Variants in PAPSS2 observed in about 807,000 individuals in gnomAD.
PAPSS2 encodes the protein 3'-phosphoadenosine 5'-phosphosulfate synthase 2, also known as bifunctional 3'-phosphoadenosine 5'-phosphosulfate synthase 2.
PAPSS2 carries 61 observed loss-of-function variants against 66.5 expected under a neutral mutation model. The ratio of observed to expected loss-of-function variants is 0.92; its 90% CI spans 0.75 to 1.14. The LOEUF (loss-of-function observed/expected upper bound fraction) is 1.14. Ranked by LOEUF, PAPSS2 falls within the 50% of genes most tolerant of loss-of-function variation. The pLI is 0.00. For missense variants in PAPSS2, 708 were observed against 789.6 expected (o/e 0.90, Z 1.24); for synonymous variants, 289 against 287.5 (o/e 1.01, Z -0.05).
chr10:87,681,264 G>A (rs1853017618), intron 1 of PAPSS2, among the ~76,000 whole-genome samples: 1 of 152,190 alleles, frequency 6.6e-6, no homozygotes, highest in Non-Finnish European at 1.5e-5. Context: ...CTCAACTTGA[G>A]CATTCATGAG....
In PAPSS2 at chr10:87,740,541, G is replaced by C. The variant is rs566487189; in HGVS notation, c.1087-694G>C. Among the ~76,000 whole-genome samples the C allele has an allele frequency of 3.3e-5, 5 of 152,282 alleles. No homozygotes were observed. The East Asian group carries it at 9.6e-4, about 29-fold the overall frequency. On this transcript the variant is annotated intron_variant, in intron 9 of 12. Transcript: ENST00000456849. ...TAAATGATTCATCCAAAGCACAATG[G>C]ATTTTTAATGTAACAGAGTATGAGA...
At chr10:87,741,965 C>T (rs1483058112) in intron 10 of PAPSS2, among the ~76,000 whole-genome samples, 1 of 151,598 alleles carries the variant, frequency 6.6e-6, no homozygotes, top group African/African-American at 2.4e-5. Context: ...ACTATGTTTT[C>T]CAGGCTGGTC....
intron 1 of PAPSS2, among the ~76,000 whole-genome samples, chr10:87,697,508 C>T (rs1438389734): frequency 1.3e-5 from 2 of 152,144 alleles, no homozygotes; most frequent in Non-Finnish European, 2.9e-5. Flanking sequence ...GAGGAGCTGT[C>T]GTCAGGGTGT....
chr10:87,709,218 A>G lies in PAPSS2; in HGVS notation c.50A>G (p.Asn17Ser), dbSNP rs139190720. 4.3e-6 allele frequency: 7 copies of G among 1,612,798 alleles called. No homozygotes were observed. The highest frequency in any genetic ancestry group is 2.7e-5 in the African/African-American group (2 of 74,896). The change falls in exon 2 of 13, where the codon AAT becomes AGT. Residue 17 changes from asparagine to serine, a missense_variant. Physicochemically the swap from Asn to Ser is conservative, Grantham distance 46. Coordinates refer to ENST00000456849, the MANE Select transcript of PAPSS2 (RefSeq NM_001015880.2). Reference protein sequence around the residue: ...QKTENQQKSTNVVYQAHHVSR... With the variant: ...QKTENQQKSTSVVYQAHHVSR... ...TAGGAGAACCAGCAGAAATCCACCA[A>G]TGTAGTCTATCAGGCCCACCATGTG...
intron 9 of PAPSS2, among the ~76,000 whole-genome samples, chr10:87,734,664 T>TAC (rs1491387191): frequency 0.2 from 4,717 of 23,400 alleles, 138 homozygotes; most frequent in Non-Finnish European, 0.29. Flanking sequence ...AATGTGTGTG[T>TAC]ATATATATAT....
intron 7 of PAPSS2, among the ~76,000 whole-genome samples, chr10:87,718,716 C>A (rs1238854383): frequency 6.6e-6 from 1 of 152,182 alleles, no homozygotes; most frequent in African/African-American, 2.4e-5. Context: ...AGGGCTTTTG[C>A]AGTTTATGGA....
At position 87,713,298 on chromosome 10, in the gene PAPSS2, TC is replaced by T; in HGVS notation, c.371del (p.Pro124HisfsTer25). The T allele has an allele frequency of 9.7e-7, 1 of 1,029,692 alleles. No individual in the cohort carries two copies. The highest frequency in any genetic ancestry group is 1.4e-6 in the Non-Finnish European group (1 of 733,090). 63.8% of individuals were successfully genotyped at this position (1,029,692 alleles called of 1,614,324 possible). A position where few individuals can be genotyped will look rare whatever the true frequency, so the allele number is the denominator to read the frequency against. On this transcript the variant is annotated frameshift_variant, in exon 3 of 13. Transcript: ENST00000456849. LOFTEE classifies it high-confidence loss of function. ...GLVCITSFIS[P>X]FAKDRENARK... is the part of the protein sequence containing the mutation. ...TGGTCTGCATTACCAGCTTTATTTC[TC>T]CATTCGCAAAGGTAAAAAAAAAAAA...
At chr10:87,674,052 T>C (rs911184776) in intron 1 of PAPSS2, among the ~76,000 whole-genome samples, 3 of 152,170 alleles carry the variant, frequency 2.0e-5, no homozygotes, top group Non-Finnish European at 4.4e-5. Flanking sequence ...TCTAATGTTC[T>C]ACCCTTCCTG....
At position 87,676,872 on chromosome 10, in the gene PAPSS2, C is replaced by CAAAAAA. The variant is rs71019493; in HGVS notation, c.27+16898_27+16903dup. 5.7e-4 allele frequency among the ~76,000 whole-genome samples: 18 copies of CAAAAAA among 31,368 alleles called. 3 individuals carry two copies. The highest frequency in any genetic ancestry group is 6.5e-4 in the African/African-American group (6 of 9,188). 20.6% of individuals were successfully genotyped at this position (31,368 alleles called of 152,430 possible). On this transcript the variant is annotated intron_variant, in intron 1 of 12. Transcript: ENST00000456849. Reference sequence around the variant, plus strand: ...TGGATGACAGAATGAGACCCTGTCTCAAAAAAAAAAAAAAAAAAAAAAAAA... The same window carrying CAAAAAA: ...TGGATGACAGAATGAGACCCTGTCTCAAAAAAAAAAAAAAAAAAAAAAAAAAAAAAA...
At chr10:87,711,916 G>A (rs187086962) in intron 2 of PAPSS2, among the ~76,000 whole-genome samples, 15 of 152,148 alleles carry the variant, frequency 9.9e-5, no homozygotes, top group Non-Finnish European at 1.8e-4. Flanking sequence ...TAGGTTCAGA[G>A]ATCTTTAAGA....
intron 1 of PAPSS2, among the ~76,000 whole-genome samples, chr10:87,674,393 T>C (rs972729094): frequency 6.6e-6 from 1 of 152,166 alleles, no homozygotes; most frequent in African/African-American, 2.4e-5. Context: ...CTTGAACTCC[T>C]GGCCTCAGGT....
chr10:87,667,700 T>A (rs1278921230), intron 1 of PAPSS2, among the ~76,000 whole-genome samples: 5 of 152,238 alleles, frequency 3.3e-5, no homozygotes, highest in Non-Finnish European at 5.9e-5. Context: ...AGCACGACTG[T>A]AATATAAACA....
At chr10:87,684,810 A>C (rs542350681) in intron 1 of PAPSS2, among the ~76,000 whole-genome samples, 72 of 152,330 alleles carry the variant, frequency 4.7e-4, no homozygotes, top group Non-Finnish European at 5.9e-5. Context: ...TGATTACCTC[A>C]AGTCACACAG....
intron 9 of PAPSS2, among the ~76,000 whole-genome samples, chr10:87,739,555 CAGACTGTATT>C (rs1352815521): frequency 5.9e-5 from 9 of 152,318 alleles, no homozygotes; most frequent in African/African-American, 2.2e-4. Context: ...TAAGATACAT[CAGACTGTATT>C]AGGAATGTAC....
chr10:87,687,763 C>T (rs530083075), intron 1 of PAPSS2, among the ~76,000 whole-genome samples: 6 of 151,978 alleles, frequency 3.9e-5, no homozygotes, highest in East Asian at 1.9e-4. Context: ...ATACATGTAT[C>T]GAAATATCAC....
chr10:87,738,154 G>T (rs1486385819), intron 9 of PAPSS2, among the ~76,000 whole-genome samples: 1 of 152,014 alleles, frequency 6.6e-6, no homozygotes, highest in Non-Finnish European at 1.5e-5. Flanking sequence ...CCACCTCTTG[G>T]CTATTTGAAT....
At chr10:87,737,372 T>A (rs1356976818) in intron 9 of PAPSS2, among the ~76,000 whole-genome samples, 1 of 147,718 alleles carries the variant, frequency 6.8e-6, no homozygotes, top group Non-Finnish European at 1.5e-5. Context: ...GTGGTTCCTC[T>A]AAAAAAAAAA....
intron 2 of PAPSS2, among the ~76,000 whole-genome samples, chr10:87,712,609 C>T (rs1217715640): frequency 6.6e-6 from 1 of 152,076 alleles, no homozygotes; most frequent in Admixed American, 6.6e-5. Flanking sequence ...GAGTGCACCA[C>T]CACACCCGGC....
At chr10:87,723,993 T>G (rs1259809957) in intron 8 of PAPSS2, among the ~76,000 whole-genome samples, 1 of 152,142 alleles carries the variant, frequency 6.6e-6, no homozygotes. Flanking sequence ...ACTTGAGAAC[T>G]CTCACAAAAT....
Sources: gnomAD v4.1 joint callset for allele counts (sites outside exome capture counted in the v4.1 genomes callset) on GRCh38, gnomAD v4.1.1 for gene constraint, MANE v1.5 for transcripts, NCBI Gene and HGNC (gene_info 2026-07-23, HGNC 2026-07-21) for gene names.